ABLIM1: variants seen among roughly 807,000 people sequenced by gnomAD.
ABLIM1 encodes the protein actin-binding LIM protein 1.
Under a neutral mutation model 107.0 loss-of-function variants are expected in ABLIM1, and 40 were observed. The ratio of observed to expected loss-of-function variants is 0.37; its 90% CI spans 0.29 to 0.49. The LOEUF (loss-of-function observed/expected upper bound fraction) is 0.49. ABLIM1 is among the 20% of genes least tolerant of loss of function. The pLI, the probability that ABLIM1 is intolerant of heterozygous loss-of-function variation, is 0.97. For synonymous variants in ABLIM1, 357 were observed against 357.3 expected, an observed-to-expected ratio of 1.00 and a Z score of 0.01; for missense variants, 857 against 1,008.5, an observed-to-expected ratio of 0.85 and a Z score of 2.04.
the ABLIM1 span, chr10:114,778,967 G>C: frequency 6.6e-6 from 1 of 152,164 alleles, no homozygotes; most frequent in East Asian, 1.9e-4. Flanking sequence ...AATGTCGGTC[G>C]AACTGTACTC....
chr10:114,597,805 G>A (rs561303421), intron 2 of ABLIM1, among the ~76,000 whole-genome samples: 4 of 152,244 alleles, frequency 2.6e-5, no homozygotes, highest in South Asian at 4.1e-4. Context: ...GGAAAAACGT[G>A]TGGGATGAAG....
chr10:114,517,654 C>A (rs140514074), intron 6 of ABLIM1, among the ~76,000 whole-genome samples: 150 of 152,128 alleles, frequency 9.9e-4, no homozygotes, highest in African/African-American at 3.5e-3. Flanking sequence ...TACTTTTTTG[C>A]GATAAACTGT....
In ABLIM1 at chr10:114,545,924, C is replaced by T. The variant is rs191951552; in HGVS notation, c.801-826G>A. ...CCAGCCTGGGTGACAGCACAAGACC[C>T]CATCTCAAAAAAAAAAAACAAAAAA... On this transcript the variant is annotated intron_variant, in intron 5 of 22. Transcript: ENST00000533213. Among the ~76,000 whole-genome samples the T allele has an allele frequency of 3.3e-3, 367 of 111,342 alleles. 2 individuals carry two copies. Among genetic ancestry groups the T allele is most frequent in the Middle Eastern group, 0.016 (3 of 184 alleles). The allele number at this position is 111,342 out of a possible 152,430, so 73.0% of individuals were successfully genotyped here. A position where few individuals can be genotyped will look rare whatever the true frequency, so the allele number is the denominator to read the frequency against.
At chr10:114,523,612 A>AC (rs2064129738) in intron 6 of ABLIM1, among the ~76,000 whole-genome samples, 1 of 152,158 alleles carries the variant, frequency 6.6e-6, no homozygotes, top group South Asian at 2.1e-4. Context: ...CAACCCACAG[A>AC]CCCACTCTTC....
chr10:114,558,220 C>G (rs570911915), intron 4 of ABLIM1, among the ~76,000 whole-genome samples: 1 of 152,118 alleles, frequency 6.6e-6, no homozygotes, highest in Non-Finnish European at 1.5e-5. Flanking sequence ...CCCGCCCCCC[C>G]ATATCCACGA....
chr10:114,743,563 AT>A (rs1337184196), intron 1 of ABLIM1, among the ~76,000 whole-genome samples: 3 of 152,120 alleles, frequency 2.0e-5, no homozygotes, highest in African/African-American at 4.8e-5. Context: ...TGTCTTCTCT[AT>A]TTTTTTCCTT....
chr10:114,566,154 T>C (rs537795357), intron 4 of ABLIM1, among the ~76,000 whole-genome samples: 1 of 152,150 alleles, frequency 6.6e-6, no homozygotes, highest in South Asian at 2.1e-4. Flanking sequence ...GGAGTTCCAA[T>C]TGCAGTTAGA....
At chr10:114,772,086 A>G (rs1453975857), upstream of ABLIM1, among the ~76,000 whole-genome samples, 1 of 152,132 alleles carries the variant, frequency 6.6e-6, no homozygotes, top group Non-Finnish European at 1.5e-5. Context: ...AGGCACACTG[A>G]ACTACTCAAT....
intron 6 of ABLIM1, among the ~76,000 whole-genome samples, chr10:114,498,629 A>T (rs1198657780): frequency 6.6e-6 from 1 of 152,220 alleles, no homozygotes; most frequent in Non-Finnish European, 1.5e-5. Flanking sequence ...CTGAAGTTCA[A>T]CCTTAATCCA....
At chr10:114,681,455 A>G (rs2080746405) in intron 1 of ABLIM1, among the ~76,000 whole-genome samples, 1 of 152,206 alleles carries the variant, frequency 6.6e-6, no homozygotes, top group African/African-American at 2.4e-5. Flanking sequence ...TCAGCCTCCC[A>G]AAGTGCTGGG....
Position 114,562,972 on chromosome 10 carries a change from C to T in ABLIM1, c.673+8325G>A, listed in dbSNP as rs116081546. ...TATGGTAATATGTTCTAATGGAAAT[C>T]AAAGCACAGCTTTACCAGGACACAC... On this transcript the variant is annotated intron_variant, in intron 4 of 22. Coordinates refer to ENST00000533213, the MANE Select transcript of ABLIM1 (RefSeq NM_002313.7). 4.2e-3 allele frequency among the ~76,000 whole-genome samples: 643 copies of T among 152,290 alleles called. 2 individuals carry two copies. Among genetic ancestry groups the T allele is most frequent in the African/African-American group, 0.015 (615 of 41,552 alleles).
intron 1 of ABLIM1, among the ~76,000 whole-genome samples, chr10:114,646,345 C>T (rs1591720554): frequency 6.6e-6 from 1 of 152,094 alleles, no homozygotes; most frequent in African/African-American, 2.4e-5. Flanking sequence ...CAATTGAGAA[C>T]TAGGTGGGCA....
chr10:114,436,682 C>T (rs563605357), intron 22 of ABLIM1, among the ~76,000 whole-genome samples: 3 of 152,218 alleles, frequency 2.0e-5, no homozygotes, highest in South Asian at 2.1e-4. Flanking sequence ...GTCCTTGGAA[C>T]GTTGAGAAGA....
At chr10:114,762,181 C>T (rs919814858) in intron 1 of ABLIM1, among the ~76,000 whole-genome samples, 7 of 152,040 alleles carry the variant, frequency 4.6e-5, no homozygotes, top group Non-Finnish European at 8.8e-5. Context: ...TACAGGCGCC[C>T]GCCACCACGC....
At chr10:114,633,909 G>A (rs1244697870) in intron 1 of ABLIM1, among the ~76,000 whole-genome samples, 1 of 151,926 alleles carries the variant, frequency 6.6e-6, no homozygotes, top group Non-Finnish European at 1.5e-5. Context: ...TTAGGTACAT[G>A]GGCATCTCAC....
At chr10:114,488,850 G>T (rs1474556503) in intron 7 of ABLIM1, among the ~76,000 whole-genome samples, 1 of 152,208 alleles carries the variant, frequency 6.6e-6, no homozygotes, top group Admixed American at 6.5e-5. Context: ...GAGTAAGGCT[G>T]ATATGTCCAT....
intron 6 of ABLIM1, among the ~76,000 whole-genome samples, chr10:114,532,328 A>G (rs548799912): frequency 1.6e-4 from 25 of 152,254 alleles, no homozygotes; most frequent in Middle Eastern, 3.4e-3. Flanking sequence ...GTACCAGTTC[A>G]TTTCCGCTGG....
intron 1 of ABLIM1, among the ~76,000 whole-genome samples, chr10:114,717,991 A>AAGGGGAGGAAGG (rs2081718787): frequency 1.2e-5 from 1 of 86,792 alleles, no homozygotes; most frequent in Non-Finnish European, 2.1e-5. Flanking sequence ...AGAAAGAAAG[A>AAGGGGAGGAAGG]AAGGAAGGAA....
intron 4 of ABLIM1, among the ~76,000 whole-genome samples, chr10:114,569,558 T>C (rs924986231): frequency 6.6e-6 from 1 of 152,184 alleles, no homozygotes; most frequent in African/African-American, 2.4e-5. Context: ...GACCTCGTGA[T>C]CTGCCCGTCT....
Sources: gnomAD v4.1 joint callset for allele counts (sites outside exome capture counted in the v4.1 genomes callset) on GRCh38, gnomAD v4.1.1 for gene constraint, MANE v1.5 for transcripts, NCBI Gene and HGNC (gene_info 2026-07-23, HGNC 2026-07-21) for gene names.